The following CDH13 variants were observed in gnomAD, a reference collection of about 807,000 sequenced individuals.
The protein encoded by CDH13 is cadherin-13.
CDH13 carries 24 observed loss-of-function variants against 63.8 expected under a neutral mutation model. That is an observed-to-expected ratio of 0.38 (90% confidence interval 0.27 to 0.53). The LOEUF (loss-of-function observed/expected upper bound fraction) is 0.53, where lower values mean the gene tolerates loss of function less well. Ranked by LOEUF, CDH13 falls within the 20% of genes least tolerant of loss-of-function variation. The pLI, the probability that CDH13 is intolerant of heterozygous loss-of-function variation, is 0.85. For synonymous variants in CDH13, 503 were observed against 355.3 expected, an observed-to-expected ratio of 1.42 and a Z score of -4.67; for missense variants, 1,049 against 903.1, an observed-to-expected ratio of 1.16 and a Z score of -2.07.
At chr16:83,547,454 C>G (rs2075406587) in intron 7 of CDH13, among the ~76,000 whole-genome samples, 1 of 152,158 alleles carries the variant, frequency 6.6e-6, no homozygotes. Context: ...TCTTCTCCCA[C>G]CATCTACCCT....
intron 2 of CDH13, among the ~76,000 whole-genome samples, chr16:82,933,251 C>T (rs929560690): frequency 3.3e-5 from 5 of 152,188 alleles, no homozygotes; most frequent in African/African-American, 1.2e-4. Flanking sequence ...TACAGTATGG[C>T]CGAAGGGGAA....
intron 2 of CDH13, among the ~76,000 whole-genome samples, chr16:82,868,586 G>A (rs1459529226): frequency 6.6e-6 from 1 of 152,192 alleles, no homozygotes; most frequent in Admixed American, 6.5e-5. Flanking sequence ...GGACTTCTCA[G>A]ACGAGGAACA....
At chr16:83,014,764 A>ATATGTATATATATATATATTTG (rs1914546436) in intron 2 of CDH13, among the ~76,000 whole-genome samples, 7 of 51,110 alleles carry the variant, frequency 1.4e-4, no homozygotes, top group East Asian at 6.2e-4. Context: ...ATATATATAT[A>ATATGTATATATATATATATTTG]TATATATATA....
chr16:82,902,491 C>T (rs2041504097), intron 2 of CDH13, among the ~76,000 whole-genome samples: 1 of 151,928 alleles, frequency 6.6e-6, no homozygotes, highest in South Asian at 2.1e-4. Context: ...CTGGCAGTGC[C>T]ACAGCTCAGC....
At chr16:82,650,710 G>A (rs1468137229) in intron 1 of CDH13, among the ~76,000 whole-genome samples, 2 of 152,156 alleles carry the variant, frequency 1.3e-5, no homozygotes, top group East Asian at 1.9e-4. Context: ...GCTCCCTCCT[G>A]CCCTTGGTGA....
chr16:82,974,538 A>G (rs951169951), intron 2 of CDH13, among the ~76,000 whole-genome samples: 1 of 152,194 alleles, frequency 6.6e-6, no homozygotes, highest in African/African-American at 2.4e-5. Context: ...AATACCTAGA[A>G]ACTGCAAATA....
At chr16:83,395,200 GC>G (rs1426215681) in intron 6 of CDH13, among the ~76,000 whole-genome samples, 1 of 149,826 alleles carries the variant, frequency 6.7e-6, no homozygotes, top group Non-Finnish European at 1.5e-5. Context: ...TGTAATCCCA[GC>G]TACTTGGGAG....
chr16:82,996,546 C>T (rs1393417131), intron 2 of CDH13, among the ~76,000 whole-genome samples: 2 of 152,098 alleles, frequency 1.3e-5, no homozygotes, highest in African/African-American at 4.8e-5. Context: ...TCAGGTGATA[C>T]ATTGAAATCA....
At chr16:83,491,783 T>C (rs923418) in intron 7 of CDH13, among the ~76,000 whole-genome samples, 152,168 of 152,272 alleles carry the variant, frequency 1, 76,032 homozygotes, top group Non-Finnish European at 1. Context: ...AATGTACATA[T>C]AATACAAGAT....
chr16:83,433,281 A>G (rs932218577), intron 6 of CDH13, among the ~76,000 whole-genome samples: 5 of 152,220 alleles, frequency 3.3e-5, no homozygotes, highest in African/African-American at 1.2e-4. Context: ...TCATAGCTTC[A>G]GTTTCCTCAA....
rs972930737 is a variant in CDH13 at position 83,263,917 on chromosome 16, G to A, written c.636+46420G>A. 3.3e-5 allele frequency among the ~76,000 whole-genome samples: 5 copies of A among 152,260 alleles called. No homozygotes were observed. In the South Asian group the frequency reaches 8.3e-4, roughly 25 times the overall value. ...AAATAATGATAGCAGAAACACCTCA[G>A]ACAGTCTTTCATGCAGAGACTCAAT... On this transcript the variant is annotated intron_variant, in intron 5 of 13. Coordinates refer to ENST00000567109, the MANE Select transcript of CDH13 (RefSeq NM_001257.5).
chr16:83,404,832 A>G (rs898031698), intron 6 of CDH13, among the ~76,000 whole-genome samples: 1 of 152,180 alleles, frequency 6.6e-6, no homozygotes, highest in Non-Finnish European at 1.5e-5. Context: ...CACCAACAGG[A>G]TCTGTCGGAC....
At chr16:83,636,975 CATT>C (rs796805672) in intron 8 of CDH13, among the ~76,000 whole-genome samples, 1 of 152,262 alleles carries the variant, frequency 6.6e-6, no homozygotes, top group South Asian at 2.1e-4. Flanking sequence ...GATGGTAACT[CATT>C]ATGGTTTTGA....
intron 4 of CDH13, among the ~76,000 whole-genome samples, chr16:83,126,426 A>G (rs1182035792): frequency 6.6e-6 from 1 of 152,190 alleles, no homozygotes; most frequent in Non-Finnish European, 1.5e-5. Context: ...GTTATGGTAC[A>G]AGGCATGTTT....
chr16:82,882,970 C>A (rs913070414), intron 2 of CDH13, among the ~76,000 whole-genome samples: 5 of 152,226 alleles, frequency 3.3e-5, no homozygotes, highest in Admixed American at 6.5e-5. Context: ...TAGAATTTGC[C>A]TGTAATGTGT....
intron 2 of CDH13, among the ~76,000 whole-genome samples, chr16:82,983,405 C>T (rs959929440): frequency 1.3e-5 from 2 of 152,096 alleles, no homozygotes; most frequent in Admixed American, 6.6e-5. Context: ...CTCAGGAGAT[C>T]TGAACTTATA....
intron 11 of CDH13, among the ~76,000 whole-genome samples, chr16:83,759,959 A>C (rs1913831899): frequency 6.6e-6 from 1 of 151,632 alleles, no homozygotes; most frequent in Non-Finnish European, 1.5e-5. Flanking sequence ...AAAAAGAAAG[A>C]AATCCTATAA....
chr16:83,540,876 C>T (rs577292602), intron 7 of CDH13, among the ~76,000 whole-genome samples: 2 of 152,294 alleles, frequency 1.3e-5, no homozygotes, highest in East Asian at 1.9e-4. Flanking sequence ...ATGATCCGCC[C>T]GCCTCAGCCT....
chr16:83,455,716 G>A (rs2073007086), intron 6 of CDH13, among the ~76,000 whole-genome samples: 1 of 152,152 alleles, frequency 6.6e-6, no homozygotes, highest in Non-Finnish European at 1.5e-5. Context: ...GGCGGAGTGG[G>A]TGGACACCTG....
Sources: gnomAD v4.1 joint callset for allele counts (sites outside exome capture counted in the v4.1 genomes callset) on GRCh38, gnomAD v4.1.1 for gene constraint, MANE v1.5 for transcripts, NCBI Gene and HGNC (gene_info 2026-07-23, HGNC 2026-07-21) for gene names.